The following COX7B2 variants were observed in gnomAD, a reference collection of about 807,000 sequenced individuals.
COX7B2 encodes the protein cytochrome c oxidase subunit 7B2, also known as cytochrome c oxidase subunit 7B2, mitochondrial.
For synonymous variants in COX7B2, 37 were observed against 32.1 expected, an observed-to-expected ratio of 1.15 and a Z score of -0.51; for missense variants, 109 against 95.9, an observed-to-expected ratio of 1.14 and a Z score of -0.57.
chr4:46,840,266 A>G (rs908509129), intron 2 of COX7B2, among the ~76,000 whole-genome samples: 1 of 152,016 alleles, frequency 6.6e-6, no homozygotes. Flanking sequence ...CAGAAATTCC[A>G]TCGGATTTTT....
intron 2 of COX7B2, among the ~76,000 whole-genome samples, chr4:46,799,038 A>G (rs1248570314): frequency 6.6e-6 from 1 of 152,144 alleles, no homozygotes; most frequent in Non-Finnish European, 1.5e-5. Flanking sequence ...CCTTTGCTAG[A>G]AAGATCAAGG....
At chr4:46,865,023 G>A (rs1404639052) in intron 1 of COX7B2, among the ~76,000 whole-genome samples, 4 of 152,064 alleles carry the variant, frequency 2.6e-5, no homozygotes, top group Non-Finnish European at 2.9e-5. Flanking sequence ...GAATTAAATA[G>A]CAGTGAATTC....
intron 2 of COX7B2, among the ~76,000 whole-genome samples, chr4:46,832,116 T>C (rs186826871): frequency 1.3e-5 from 2 of 150,404 alleles, no homozygotes; most frequent in African/African-American, 4.8e-5. Flanking sequence ...GGCAACCTGC[T>C]CGGGTCCCCT....
intron 2 of COX7B2, among the ~76,000 whole-genome samples, chr4:46,804,478 C>T (rs992162627): frequency 1.3e-5 from 2 of 152,070 alleles, no homozygotes; most frequent in African/African-American, 4.8e-5. Context: ...GTTTACAATC[C>T]CTAAGCTAGA....
In COX7B2 at chr4:46,777,345, G is replaced by A. The variant is rs73245860; in HGVS notation, c.-49-42104C>T. 8.1e-3 allele frequency among the ~76,000 whole-genome samples: 1,228 copies of A among 152,174 alleles called. 10 individuals are homozygous for A. Among genetic ancestry groups the A allele is most frequent in the Non-Finnish European group, 0.011 (765 of 67,966 alleles). On this transcript the variant is annotated intron_variant, in intron 2 of 2. Transcript: ENST00000355591. Reference sequence around the variant, plus strand: ...TGCTTTTATCAAAGAGCAGATAAGTGAGCCAGTAGCTATAGGGGAAAGTGG... The same window carrying A: ...TGCTTTTATCAAAGAGCAGATAAGTAAGCCAGTAGCTATAGGGGAAAGTGG...
intron 1 of COX7B2, among the ~76,000 whole-genome samples, chr4:46,868,031 A>G (rs1717775421): frequency 6.6e-6 from 1 of 152,010 alleles, no homozygotes; most frequent in Non-Finnish European, 1.5e-5. Context: ...TTGGTAGTCT[A>G]TTTATTACTT....
At chr4:46,895,185 C>T (rs979057035) in intron 1 of COX7B2, among the ~76,000 whole-genome samples, 3 of 152,226 alleles carry the variant, frequency 2.0e-5, no homozygotes, top group African/African-American at 7.2e-5. Context: ...GACACATGTA[C>T]ACCAATGTTC....
At chr4:46,828,647 C>G (rs1243932044) in intron 2 of COX7B2, among the ~76,000 whole-genome samples, 1 of 152,006 alleles carries the variant, frequency 6.6e-6, no homozygotes, top group Non-Finnish European at 1.5e-5. Context: ...AAGAAAAGTG[C>G]ACATAGAGTA....
At chr4:46,848,653 G>T (rs1405212616) in intron 1 of COX7B2, among the ~76,000 whole-genome samples, 1 of 151,938 alleles carries the variant, frequency 6.6e-6, no homozygotes, top group African/African-American at 2.4e-5. Flanking sequence ...GGAAAAGTAG[G>T]ATTTAAAAAA....
chr4:46,868,005 T>C (rs536931523), intron 1 of COX7B2, among the ~76,000 whole-genome samples: 4 of 152,286 alleles, frequency 2.6e-5, no homozygotes, highest in Admixed American at 1.3e-4. Flanking sequence ...CATCAGGTCC[T>C]GGGCTTTTTT....
At chr4:46,892,708 G>A (rs1719501678) in intron 1 of COX7B2, among the ~76,000 whole-genome samples, 1 of 152,100 alleles carries the variant, frequency 6.6e-6, no homozygotes, top group African/African-American at 2.4e-5. Flanking sequence ...AGTGAAATAG[G>A]TCATTTTATG....
intron 1 of COX7B2, among the ~76,000 whole-genome samples, chr4:46,891,348 C>A (rs1330484984): frequency 6.6e-6 from 1 of 152,048 alleles, no homozygotes; most frequent in African/African-American, 2.4e-5. Context: ...AGGAAGTGAA[C>A]ACATTTAAAC....
At chr4:46,820,850 T>TAG (rs1553889378) in intron 2 of COX7B2, among the ~76,000 whole-genome samples, 54 of 146,302 alleles carry the variant, frequency 3.7e-4, no homozygotes, top group African/African-American at 4.7e-4. Context: ...TATATATATA[T>TAG]ATAGATAGAT....
At chr4:46,779,137 A>T (rs546310462) in intron 2 of COX7B2, among the ~76,000 whole-genome samples, 2 of 152,210 alleles carry the variant, frequency 1.3e-5, no homozygotes, top group Middle Eastern at 3.2e-3. Context: ...TTTAAATATT[A>T]CATGCTGAAG....
Position 46,879,617 on chromosome 4 carries a change from T to C in COX7B2, c.-105+29543A>G, listed in dbSNP as rs190897033. ...CCATTAGAGTATGTTGCATAATCTT[T>C]ATCTGTTTTATAATTGCAAGTTTTT... On this transcript the variant is annotated intron_variant, in intron 1 of 2. Transcript: ENST00000355591. 1.4e-4 allele frequency among the ~76,000 whole-genome samples: 22 copies of C among 152,202 alleles called. 1 individual carries two copies. Among genetic ancestry groups the C allele is most frequent in the Admixed American group, 1.2e-3 (18 of 15,288 alleles).
At chr4:46,847,413 G>A (rs1464726191) in intron 1 of COX7B2, among the ~76,000 whole-genome samples, 2 of 151,974 alleles carry the variant, frequency 1.3e-5, no homozygotes, top group African/African-American at 4.8e-5. Context: ...ATAGCTCGAA[G>A]AAAATAAGCT....
intron 2 of COX7B2, among the ~76,000 whole-genome samples, chr4:46,747,398 C>A (rs937258813): frequency 6.6e-6 from 1 of 151,968 alleles, no homozygotes; most frequent in Non-Finnish European, 1.5e-5. Flanking sequence ...CTGCCTCTCA[C>A]GTTCAAGCGA....
At chr4:46,838,871 C>T (rs1330734125) in intron 2 of COX7B2, among the ~76,000 whole-genome samples, 1 of 151,824 alleles carries the variant, frequency 6.6e-6, no homozygotes, top group Non-Finnish European at 1.5e-5. Flanking sequence ...ATTAATTTTA[C>T]CTTTCCTGGA....
At chr4:46,790,034 A>C (rs911765622) in intron 2 of COX7B2, among the ~76,000 whole-genome samples, 1 of 152,044 alleles carries the variant, frequency 6.6e-6, no homozygotes, top group Admixed American at 6.5e-5. Flanking sequence ...ACTTGGTTTT[A>C]GACATCCACA....
Sources: gnomAD v4.1 joint callset for allele counts (sites outside exome capture counted in the v4.1 genomes callset) on GRCh38, gnomAD v4.1.1 for gene constraint, MANE v1.5 for transcripts, NCBI Gene and HGNC (gene_info 2026-07-23, HGNC 2026-07-21) for gene names.